The following TMEM41B variants were observed in gnomAD, a reference collection of about 807,000 sequenced individuals.
The protein encoded by TMEM41B is protein stasimon.
Under a neutral mutation model 31.9 loss-of-function variants are expected in TMEM41B, and 18 were observed. The ratio of observed to expected loss-of-function variants is 0.56; its 90% CI spans 0.39 to 0.84. TMEM41B has a LOEUF of 0.84. Among genes scored for constraint, TMEM41B ranks in the 40% least tolerant of loss-of-function variants. The pLI, the probability that TMEM41B is intolerant of heterozygous loss-of-function variation, is 0.00. For missense variants in TMEM41B, 322 were observed against 348.0 expected (o/e 0.93, Z 0.59); for synonymous variants, 144 against 124.3 (o/e 1.16, Z -1.05).
chr11:9,314,271 C>A (rs1465257851), intron 1 of TMEM41B, 50 bp downstream of exon 1: 1 of 1,541,172 alleles, frequency 6.5e-7, no homozygotes, highest in Non-Finnish European at 8.7e-7. Context: ...CCCCACCCGA[C>A]ACACAGAAGC....
chr11:9,312,643 C>T lies in TMEM41B; in HGVS notation c.121+1678G>A, dbSNP rs113406224. 7.3e-3 allele frequency among the ~76,000 whole-genome samples: 1,114 copies of T among 152,200 alleles called. 11 individuals carry two copies. Among genetic ancestry groups the T allele is most frequent in the African/African-American group, 0.026 (1,072 of 41,540 alleles). The stretch of plus-strand genomic sequence containing the variant: ...ATTGTAGGCCAGGCGTGGTGGCTCA[C>T]GCCTGTAATCCCAGCACTTTGGGAG... On this transcript the variant is annotated intron_variant, in intron 1 of 6. Transcript: ENST00000528080.
At chr11:9,291,395 A>G (rs1235249111) in intron 3 of TMEM41B, among the ~76,000 whole-genome samples, 1 of 123,106 alleles carries the variant, frequency 8.1e-6, no homozygotes. Context: ...AAAAATTATA[A>G]TAATAATAAA....
intron 1 of TMEM41B, among the ~76,000 whole-genome samples, chr11:9,306,523 A>G (rs540938705): frequency 2.1e-4 from 32 of 152,176 alleles, no homozygotes; most frequent in African/African-American, 7.7e-4. Flanking sequence ...TCTACTAAAA[A>G]AATACAAAAA....
At position 9,283,351 on chromosome 11, in the gene TMEM41B, T is replaced by G; in HGVS notation, c.*73A>C. The G allele has an allele frequency of 2.4e-6, 3 of 1,242,634 alleles. No homozygotes were observed. Among genetic ancestry groups the G allele is most frequent in the Non-Finnish European group, 3.3e-6 (3 of 898,488 alleles). 77.0% of individuals were successfully genotyped at this position (1,242,634 alleles called of 1,614,324 possible). ...TGTTTAATTACTGAAGAGGTGATTTTAAAACATAAATGGATGCACCTGTTA... is the reference window on the plus strand; with the variant it reads ...TGTTTAATTACTGAAGAGGTGATTTGAAAACATAAATGGATGCACCTGTTA... On this transcript the variant is annotated 3_prime_UTR_variant, in exon 7 of 7. Transcript: ENST00000528080.
chr11:9,283,731 A>C (rs1852774164), intron 6 of TMEM41B, 138 bp from the exon 7 acceptor site: 70 of 705,070 alleles, frequency 9.9e-5, no homozygotes, highest in Non-Finnish European at 1.4e-4. Context: ...TTTAAAGCTC[A>C]AGTTTATTTC....
intron 1 of TMEM41B, among the ~76,000 whole-genome samples, chr11:9,305,556 C>T (rs569245508): frequency 1.2e-4 from 19 of 152,190 alleles, no homozygotes; most frequent in Middle Eastern, 3.4e-3. Flanking sequence ...GCCAAAGTTG[C>T]GCCATTGCAC....
chr11:9,305,773 AC>A (rs1459482474), intron 1 of TMEM41B, among the ~76,000 whole-genome samples: 1 of 152,134 alleles, frequency 6.6e-6, no homozygotes, highest in East Asian at 1.9e-4. Context: ...AGAAAAACTA[AC>A]AAAAATAATT....
At chr11:9,288,330 C>A in intron 4 of TMEM41B, 112 bp downstream of exon 4, 1 of 708,802 alleles carries the variant, frequency 1.4e-6, no homozygotes, top group Non-Finnish European at 2.2e-6. Context: ...ACATTAACTC[C>A]TCTTCAATTA....
chr11:9,311,569 AG>A, intron 1 of TMEM41B: 1 of 1,113,428 alleles, frequency 9.0e-7, no homozygotes, highest in Non-Finnish European at 1.3e-6. Context: ...GGAGGAGGAC[AG>A]GGGCCTGGGG....
In TMEM41B at chr11:9,297,269, G is replaced by C. The variant is rs557166558; in HGVS notation, c.240-1882C>G. ...CCAGCTAATTTTTTTATTTTTAGTAGAGATGGGGTTTCTCCACGTTAGCCA... is the reference window on the plus strand; with the variant it reads ...CCAGCTAATTTTTTTATTTTTAGTACAGATGGGGTTTCTCCACGTTAGCCA... On this transcript the variant is annotated intron_variant, in intron 2 of 6. Transcript: ENST00000528080. Among the ~76,000 whole-genome samples, 14 of 152,278 alleles carry C rather than the reference G, an allele frequency of 9.2e-5. No individual in the cohort carries two copies. In the East Asian group the frequency reaches 2.3e-3, roughly 25 times the overall value.
chr11:9,280,729 T>C lies in TMEM41B; in HGVS notation c.*2695A>G, dbSNP rs1329177487. On this transcript the variant is annotated 3_prime_UTR_variant, in exon 7 of 7. Transcript: ENST00000528080. ...ACTAAGTGTCATGGAAATATTATAC[T>C]CAAAATAACAGAGCTCCAGAGAAAG... 6.6e-6 allele frequency: 1 copy of C among 152,210 alleles called. No individual in the cohort carries two copies. Among genetic ancestry groups the C allele is most frequent in the Non-Finnish European group, 1.5e-5 (1 of 68,042 alleles). The allele number at this position is 152,210 out of a possible 1,614,324, so 9.4% of individuals were successfully genotyped here.
intron 4 of TMEM41B, 41 bp downstream of exon 4, chr11:9,288,401 A>G (rs577469649): frequency 7.4e-7 from 1 of 1,351,330 alleles, no homozygotes; most frequent in East Asian, 2.3e-5. Context: ...TCATCATTCT[A>G]TTGTTTTTTC....
At position 9,281,123 on chromosome 11, in the gene TMEM41B, T is replaced by G. The variant is rs1262302389; in HGVS notation, c.*2301A>C. 1 of 152,224 alleles carries G rather than the reference T, an allele frequency of 6.6e-6. No individual in the cohort carries two copies. Among genetic ancestry groups the G allele is most frequent in the Admixed American group, 6.5e-5 (1 of 15,278 alleles). The allele number at this position is 152,224 out of a possible 1,614,324, so 9.4% of individuals were successfully genotyped here. ...AAATATACTCTGAGAATAGAGTAAGTACAATTTACACACGCTGGAGTAAAT... is the reference window on the plus strand; with the variant it reads ...AAATATACTCTGAGAATAGAGTAAGGACAATTTACACACGCTGGAGTAAAT... On this transcript the variant is annotated 3_prime_UTR_variant, in exon 7 of 7. Transcript: ENST00000528080.
chr11:9,307,435 C>A (rs1351254927), intron 1 of TMEM41B, among the ~76,000 whole-genome samples: 3 of 147,710 alleles, frequency 2.0e-5, no homozygotes, highest in African/African-American at 7.4e-5. Flanking sequence ...GCTGAAGTAT[C>A]ATAAAATAAA....
In TMEM41B at chr11:9,305,468, C is replaced by T. The variant is rs1439306427; in HGVS notation, c.122-5767G>A. ...ATAAAAAATTAGTCAGGCGTGGTGGCACACCCCTGTAGTCCCAGCCACTGG... is the reference window on the plus strand; with the variant it reads ...ATAAAAAATTAGTCAGGCGTGGTGGTACACCCCTGTAGTCCCAGCCACTGG... On this transcript the variant is annotated intron_variant, in intron 1 of 6. Transcript: ENST00000528080. 2.0e-5 allele frequency among the ~76,000 whole-genome samples: 3 copies of T among 152,130 alleles called. No homozygotes were observed. In the South Asian group the frequency reaches 6.2e-4, roughly 31 times the overall value.
intron 5 of TMEM41B, among the ~76,000 whole-genome samples, chr11:9,287,429 A>G (rs1226428895): frequency 6.6e-6 from 1 of 152,256 alleles, no homozygotes; most frequent in East Asian, 1.9e-4. Context: ...GGATGCCTTT[A>G]TATTCACACT....
intron 3 of TMEM41B, among the ~76,000 whole-genome samples, chr11:9,292,340 C>T (rs1852978098): frequency 6.6e-6 from 1 of 152,142 alleles, no homozygotes; most frequent in African/African-American, 2.4e-5. Flanking sequence ...GATTTCTCTT[C>T]TCTTACACTG....
At chr11:9,312,501 A>T (rs1853584737) in intron 1 of TMEM41B, among the ~76,000 whole-genome samples, 2 of 152,120 alleles carry the variant, frequency 1.3e-5, no homozygotes, top group Admixed American at 6.6e-5. Context: ...GCCTTGTCTC[A>T]AGTCACTAAA....
Position 9,283,152 on chromosome 11 carries a change from T to C in TMEM41B, c.*272A>G, listed in dbSNP as rs1209993313. 1.3e-5 allele frequency: 3 copies of C among 232,160 alleles called. No individual in the cohort carries two copies. Among genetic ancestry groups the C allele is most frequent in the Non-Finnish European group, 1.6e-5 (2 of 122,172 alleles). The allele number at this position is 232,160 out of a possible 1,614,324, so 14.4% of individuals were successfully genotyped here. On this transcript the variant is annotated 3_prime_UTR_variant, in exon 7 of 7. Transcript: ENST00000528080. ...GATCAACAATTTCCTACCACACTAC[T>C]ATTATCTACAGCTACCCTTGGTATA...
Sources: allele counts gnomAD v4.1 joint callset (sites outside exome capture counted in the v4.1 genomes callset), GRCh38; gene constraint gnomAD v4.1.1; transcripts MANE v1.5; gene names NCBI Gene and HGNC (gene_info 2026-07-23, HGNC 2026-07-21).